The following BCAS1 variants were observed in gnomAD, a reference collection of about 807,000 sequenced individuals.
BCAS1 encodes the protein brain enriched myelin associated protein 1, also known as breast carcinoma-amplified sequence 1.
A neutral mutation model predicts 65.4 loss-of-function variants in BCAS1; 46 were observed. That is an observed-to-expected ratio of 0.70 (90% CI 0.55 to 0.90). The LOEUF (loss-of-function observed/expected upper bound fraction) is 0.90. Among genes scored for constraint, BCAS1 ranks in the 40% least tolerant of loss-of-function variants. The pLI, the probability that BCAS1 is intolerant of heterozygous loss-of-function variation, is 0.00. For missense variants in BCAS1, 793 were observed against 771.2 expected (o/e 1.03, Z -0.33); for synonymous variants, 298 against 293.5 (o/e 1.02, Z -0.16).
At position 53,944,533 on chromosome 20, in the gene BCAS1, T is replaced by A. The variant is rs1568790334; in HGVS notation, c.*389A>T. ...GATGTTGGCCAGGCTAGTCTTGAAC[T>A]CCTGACCTCAGGTGATCCACCTGCC... On this transcript the variant is annotated 3_prime_UTR_variant, in exon 13 of 13. Transcript: ENST00000688948. 3 of 210,920 alleles carry A rather than the reference T, an allele frequency of 1.4e-5. No homozygotes were observed. In the East Asian group the frequency reaches 3.4e-4, roughly 24 times the overall value. 13.1% of individuals were successfully genotyped at this position (210,920 alleles called of 1,614,324 possible).
At chr20:54,039,512 G>C (rs560276552) in intron 3 of BCAS1, among the ~76,000 whole-genome samples, 2 of 151,266 alleles carry the variant, frequency 1.3e-5, no homozygotes, top group Admixed American at 1.3e-4. Context: ...AGATACTGTG[G>C]GGCAAGACTG....
intron 3 of BCAS1, among the ~76,000 whole-genome samples, chr20:54,045,507 C>T (rs112112017): frequency 9.8e-4 from 149 of 152,154 alleles, no homozygotes; most frequent in African/African-American, 3.4e-3. Flanking sequence ...AAAGACCAGA[C>T]CTGAAGAATC....
At chr20:53,973,835 A>G (rs1169720423) in intron 9 of BCAS1, among the ~76,000 whole-genome samples, 2 of 152,194 alleles carry the variant, frequency 1.3e-5, no homozygotes, top group Admixed American at 6.5e-5. Flanking sequence ...AAGGAAGGGC[A>G]GTAAAACCAA....
intron 3 of BCAS1, among the ~76,000 whole-genome samples, chr20:54,053,182 T>TAGA (rs2092246476): frequency 6.6e-6 from 1 of 152,212 alleles, no homozygotes; most frequent in Admixed American, 6.5e-5. Flanking sequence ...TGAGTTAAGC[T>TAGA]AGAAATATAA....
chr20:53,981,579 G>A (rs1456748206), intron 8 of BCAS1, among the ~76,000 whole-genome samples: 1 of 145,970 alleles, frequency 6.9e-6, no homozygotes, highest in African/African-American at 2.5e-5. Context: ...CAATAAACAC[G>A]AAAGATAGAT....
At position 53,944,722 on chromosome 20, in the gene BCAS1, C is replaced by CTGTT. The variant is rs1404407048; in HGVS notation, c.*196_*199dup. 4 of 595,388 alleles carry CTGTT rather than the reference C, an allele frequency of 6.7e-6. No individual in the cohort carries two copies. The highest frequency in any genetic ancestry group is 1.2e-5 in the Non-Finnish European group (4 of 330,332). 36.9% of individuals were successfully genotyped at this position (595,388 alleles called of 1,614,324 possible). A position where few individuals can be genotyped will look rare whatever the true frequency, so the allele number is the denominator to read the frequency against. On this transcript the variant is annotated 3_prime_UTR_variant, in exon 13 of 13. Transcript: ENST00000688948. ...TAGGTGACCTGCTAAACCATCTTTA[C>CTGTT]TGTTATTTGCCAGAAAAGACTGGAC...
chr20:54,055,861 C>A (rs967525313), intron 3 of BCAS1, among the ~76,000 whole-genome samples: 1 of 151,932 alleles, frequency 6.6e-6, no homozygotes, highest in Non-Finnish European at 1.5e-5. Flanking sequence ...TTCAATCATA[C>A]AAAAGAAGGA....
intron 4 of BCAS1, among the ~76,000 whole-genome samples, chr20:54,011,023 C>T (rs939603078): frequency 2.0e-5 from 3 of 152,054 alleles, no homozygotes; most frequent in African/African-American, 7.2e-5. Flanking sequence ...AATTTGACAT[C>T]TATAGAGGAA....
At chr20:54,021,321 C>T (rs2091553037) in intron 4 of BCAS1, among the ~76,000 whole-genome samples, 1 of 151,500 alleles carries the variant, frequency 6.6e-6, no homozygotes, top group South Asian at 2.1e-4. Flanking sequence ...GAGTCACACA[C>T]ATTTTTCGGT....
At chr20:53,953,388 G>A in intron 12 of BCAS1, 44 bp downstream of exon 12, 1 of 1,607,838 alleles carries the variant, frequency 6.2e-7, no homozygotes, top group South Asian at 1.1e-5. Flanking sequence ...TGGTGTTGGG[G>A]AAGGAGAGAG....
intron 4 of BCAS1, among the ~76,000 whole-genome samples, chr20:54,023,859 T>C (rs1050868704): frequency 2.6e-5 from 4 of 152,228 alleles, no homozygotes; most frequent in Admixed American, 1.3e-4. Context: ...TATACAACTC[T>C]TAAATTAGAG....
At chr20:54,061,557 C>T (rs16998867) in intron 1 of BCAS1, among the ~76,000 whole-genome samples, 21,148 of 152,072 alleles carry the variant, frequency 0.14, 1,941 homozygotes, top group East Asian at 0.32. Flanking sequence ...GTGGATCTCT[C>T]GCCATTGGTG....
Position 54,028,616 on chromosome 20 carries a change from C to T in BCAS1, c.499G>A (p.Ala167Thr), listed in dbSNP as rs753420412. ...APAQDKVLSA[A>T]RDPTLLPPET... ...GGTGGGAGAAGCGTGGGATCCCTGG[C>T]GGCAGAGAGGACCTTGTCTTGGGCC... The change falls in exon 4 of 13, where the codon GCC becomes ACC. Residue 167 changes from alanine to threonine, a missense_variant. Physicochemically the swap from Ala to Thr is moderately conservative, Grantham distance 58. Transcript: ENST00000688948. The T allele has an allele frequency of 4.6e-5, 74 of 1,614,046 alleles. No individual in the cohort carries two copies. In the Admixed American group the frequency reaches 4.7e-4, roughly 10 times the overall value.
At chr20:54,014,235 C>CT (rs1436588550) in intron 4 of BCAS1, among the ~76,000 whole-genome samples, 1 of 152,228 alleles carries the variant, frequency 6.6e-6, no homozygotes, top group Non-Finnish European at 1.5e-5. Context: ...TACCTGGAAA[C>CT]TGTTTTTAAG....
chr20:54,002,333 C>T (rs2091077046), intron 4 of BCAS1, among the ~76,000 whole-genome samples: 1 of 152,184 alleles, frequency 6.6e-6, no homozygotes, highest in Admixed American at 6.5e-5. Flanking sequence ...CAGAGAACAC[C>T]TATCCTTGTT....
intron 1 of BCAS1, among the ~76,000 whole-genome samples, chr20:54,067,796 A>C (rs2092463103): frequency 6.6e-6 from 1 of 152,224 alleles, no homozygotes; most frequent in Non-Finnish European, 1.5e-5. Context: ...GAATGGTGAC[A>C]GAATTAGTCA....
chr20:54,030,500 T>G (rs2091774776), intron 3 of BCAS1, among the ~76,000 whole-genome samples: 1 of 152,236 alleles, frequency 6.6e-6, no homozygotes, highest in Admixed American at 6.5e-5. Flanking sequence ...AGTCAGACAC[T>G]TCTTAATATC....
intron 3 of BCAS1, among the ~76,000 whole-genome samples, chr20:54,031,855 AT>A (rs2091807850): frequency 6.6e-6 from 1 of 151,176 alleles, no homozygotes; most frequent in Non-Finnish European, 1.5e-5. Flanking sequence ...CAAATCTATG[AT>A]TGATTGGGGT....
intron 7 of BCAS1, among the ~76,000 whole-genome samples, chr20:53,990,588 A>T (rs1434255387): frequency 6.6e-6 from 1 of 152,132 alleles, no homozygotes; most frequent in East Asian, 1.9e-4. Context: ...TGACAAACCC[A>T]TGGGGAAATG....
Sources: allele counts gnomAD v4.1 joint callset (sites outside exome capture counted in the v4.1 genomes callset), GRCh38; gene constraint gnomAD v4.1.1; transcripts MANE v1.5; gene names NCBI Gene and HGNC (gene_info 2026-07-23, HGNC 2026-07-21).